VRK2: variants seen among roughly 807,000 people sequenced by gnomAD.
The protein encoded by VRK2 is serine/threonine-protein kinase VRK2.
Under a neutral mutation model 57.6 loss-of-function variants are expected in VRK2, and 60 were observed. The ratio of observed to expected loss-of-function variants is 1.04; its 90% CI spans 0.85 to 1.29. VRK2 has a LOEUF of 1.29. Among genes scored for constraint, VRK2 ranks in the 50% most tolerant of loss-of-function variants. VRK2 has a pLI of 0.00. For synonymous variants in VRK2, 231 were observed against 199.2 expected (o/e 1.16, Z -1.35); for missense variants, 705 against 588.1 (o/e 1.20, Z -2.06).
At position 58,085,787 on chromosome 2, in the gene VRK2, CAT is replaced by C. The variant is rs1311081253; in HGVS notation, c.257-550_257-549del. On this transcript the variant is annotated intron_variant, in intron 4 of 12. Coordinates refer to ENST00000340157, the MANE Select transcript of VRK2 (RefSeq NM_006296.7). Reference sequence around the variant, plus strand: ...GTAGAGCTGTCTTAAACATAAAAAACATAGGCTAGAGTCATGAAAAAAATGAT... The same window carrying C: ...GTAGAGCTGTCTTAAACATAAAAAACAGGCTAGAGTCATGAAAAAAATGAT... Among the ~76,000 whole-genome samples, 3 of 151,718 alleles carry C rather than the reference CAT, an allele frequency of 2.0e-5. No individual in the cohort carries two copies. The East Asian group carries it at 5.8e-4, about 29-fold the overall frequency.
chr2:58,028,903 A>AATAAATATATATATATATATAT (rs1553378204), intron 2 of VRK2, among the ~76,000 whole-genome samples: 1 of 54,018 alleles, frequency 1.9e-5, no homozygotes, highest in Non-Finnish European at 3.5e-5. Flanking sequence ...TAAATAAATA[A>AATAAATATATATATATATATAT]ATATATATAT....
At chr2:58,092,397 A>G (rs1468014958) in intron 7 of VRK2, among the ~76,000 whole-genome samples, 1 of 152,192 alleles carries the variant, frequency 6.6e-6, no homozygotes, top group African/African-American at 2.4e-5. Context: ...GAAAACTGCT[A>G]CAATTTCTGT....
At chr2:57,951,723 C>T (rs1671431630) in intron 1 of VRK2, among the ~76,000 whole-genome samples, 1 of 152,094 alleles carries the variant, frequency 6.6e-6, no homozygotes, top group Admixed American at 6.6e-5. Flanking sequence ...GCTGAAGGCT[C>T]AGATGATTGT....
chr2:57,913,376 G>T (rs1411030812), intron 1 of VRK2, among the ~76,000 whole-genome samples: 1 of 152,134 alleles, frequency 6.6e-6, no homozygotes, highest in Non-Finnish European at 1.5e-5. Flanking sequence ...TACATAATAA[G>T]TGCTAAAAAA....
At chr2:58,148,017 C>T (rs933996645) in intron 12 of VRK2, among the ~76,000 whole-genome samples, 1 of 151,772 alleles carries the variant, frequency 6.6e-6, no homozygotes, top group Non-Finnish European at 1.5e-5. Context: ...AACATTCTGG[C>T]ACAAATCCTT....
rs550805644 is a variant in VRK2, at chr2:58,080,600, G to C, written c.137-3489G>C. ...GTTGCACCATTCCTTTTGTGATTAG[G>C]TTAGACTAAGTTCATATCTAATCAT... On this transcript the variant is annotated intron_variant, in intron 2 of 12. Transcript: ENST00000340157. Among the ~76,000 whole-genome samples, 3 of 151,578 alleles carry C rather than the reference G, an allele frequency of 2.0e-5. No homozygotes were observed. The East Asian group carries it at 5.8e-4, about 29-fold the overall frequency.
chr2:57,951,139 T>G (rs1671416324), intron 1 of VRK2, among the ~76,000 whole-genome samples: 1 of 152,008 alleles, frequency 6.6e-6, no homozygotes, highest in African/African-American at 2.4e-5. Flanking sequence ...TGGGAGGAGT[T>G]CAAAATAAAT....
At chr2:58,037,556 A>C (rs1250420746) in intron 3 of VRK2, among the ~76,000 whole-genome samples, 1 of 152,136 alleles carries the variant, frequency 6.6e-6, no homozygotes, top group Admixed American at 6.6e-5. Context: ...CACAGAAACA[A>C]AATCCCCCAT....
chr2:58,103,988 A>G (rs1674387871), intron 7 of VRK2, among the ~76,000 whole-genome samples: 1 of 151,806 alleles, frequency 6.6e-6, no homozygotes, highest in South Asian at 2.1e-4. Flanking sequence ...ATATGATTAT[A>G]CATGCAGAAA....
chr2:58,040,982 C>A (rs1477447986), intron 3 of VRK2: 1 of 938,562 alleles, frequency 1.1e-6, no homozygotes, highest in East Asian at 1.2e-4. Flanking sequence ...TCTTATTGAA[C>A]ATTCAGCTTC....
upstream of VRK2, among the ~76,000 whole-genome samples, chr2:58,041,888 C>T (rs948136947): frequency 6.6e-6 from 1 of 152,138 alleles, no homozygotes; most frequent in African/African-American, 2.4e-5. Context: ...ATCTTTGAAT[C>T]CACCTATGAC....
chr2:58,115,892 G>T (rs1676391605), intron 7 of VRK2, among the ~76,000 whole-genome samples: 1 of 152,218 alleles, frequency 6.6e-6, no homozygotes, highest in Admixed American at 6.5e-5. Flanking sequence ...GAATAGTAAA[G>T]AAAGCATGTT....
intron 1 of VRK2, among the ~76,000 whole-genome samples, chr2:57,915,704 G>C (rs949685076): frequency 6.6e-6 from 1 of 152,198 alleles, no homozygotes; most frequent in Non-Finnish European, 1.5e-5. Context: ...GGCTCAAGCT[G>C]CATTGACAGA....
chr2:57,919,947 A>G (rs1311472050), intron 1 of VRK2, among the ~76,000 whole-genome samples: 2 of 152,096 alleles, frequency 1.3e-5, no homozygotes, highest in Admixed American at 6.6e-5. Context: ...TTCCTCATTA[A>G]TATGCAAAAT....
chr2:57,955,509 C>G (rs1051311343), intron 1 of VRK2, among the ~76,000 whole-genome samples: 1 of 152,116 alleles, frequency 6.6e-6, no homozygotes, highest in East Asian at 1.9e-4. Context: ...AGATATAACA[C>G]ATATGGAATA....
intron 1 of VRK2, among the ~76,000 whole-genome samples, chr2:57,944,749 GA>G (rs1449903317): frequency 6.7e-6 from 1 of 149,088 alleles, no homozygotes; most frequent in Non-Finnish European, 1.5e-5. Context: ...AAAAAAAAAA[GA>G]AAAACATTAA....
At chr2:57,922,271 A>C (rs1358957193) in intron 1 of VRK2, among the ~76,000 whole-genome samples, 1 of 152,104 alleles carries the variant, frequency 6.6e-6, no homozygotes, top group East Asian at 1.9e-4. Flanking sequence ...AAATTCTGCT[A>C]TATATACAGA....
chr2:58,104,729 G>T (rs1674497133), intron 7 of VRK2, among the ~76,000 whole-genome samples: 2 of 151,704 alleles, frequency 1.3e-5, no homozygotes, highest in Admixed American at 1.3e-4. Context: ...ACATAGAACT[G>T]AAAAGGGGGC....
chr2:57,994,658 C>A (rs887461681), intron 1 of VRK2, among the ~76,000 whole-genome samples: 15 of 151,994 alleles, frequency 9.9e-5, no homozygotes. Context: ...TCTCAGGGCC[C>A]CCTTGGACTC....
Sources: allele counts gnomAD v4.1 joint callset (sites outside exome capture counted in the v4.1 genomes callset), GRCh38; gene constraint gnomAD v4.1.1; transcripts MANE v1.5; gene names NCBI Gene and HGNC (gene_info 2026-07-23, HGNC 2026-07-21).